MAPK3: variants seen among roughly 807,000 people sequenced by gnomAD.
MAPK3 encodes the protein MAPK 1.
MAPK3 carries 30 observed loss-of-function variants against 41.8 expected under a neutral mutation model. That is an observed-to-expected ratio of 0.72 (90% CI 0.54 to 0.97). MAPK3 has a LOEUF of 0.97. Ranked by LOEUF, MAPK3 falls within the 50% of genes least tolerant of loss-of-function variation. MAPK3 has a pLI of 0.00. For synonymous variants in MAPK3, 222 were observed against 213.4 expected (o/e 1.04, Z -0.35); for missense variants, 413 against 509.9 (o/e 0.81, Z 1.83).
intron 1 of MAPK3, chr16:30,122,693 C>G (rs2073028677): frequency 4.5e-6 from 1 of 223,240 alleles, no homozygotes; most frequent in Non-Finnish European, 8.8e-6. Flanking sequence ...CCTCCACTGC[C>G]TCTTCACTAA....
chr16:30,117,757 A>C lies in MAPK3; in HGVS notation c.688T>G (p.Ser230Ala). ...KGYTKSIDIW[S>A]VGCILAEMLS... ...ATCTCAGCCAGAATGCAGCCCACAG[A>C]CCAGATGTCGATGGACTTGGTATAG... Residue 230 changes from serine (S) to alanine (A), a missense_variant, in exon 5 of 9, where the codon TCT (serine) becomes GCT (alanine). Ser to Ala is a moderately conservative substitution (Grantham distance 99). This residue lies in a region of MAPK3 where 140 missense variants were observed against 206.0 expected (regional missense o/e 0.68). Transcript: ENST00000263025. The C allele has an allele frequency of 6.2e-7, 1 of 1,614,006 alleles. No homozygotes were observed. Among genetic ancestry groups the C allele is most frequent in the Non-Finnish European group, 8.5e-7 (1 of 1,179,944 alleles).
At chr16:30,116,209 A>G (rs992634643) in intron 8 of MAPK3, among the ~76,000 whole-genome samples, 5 of 148,286 alleles carry the variant, frequency 3.4e-5, no homozygotes, top group African/African-American at 1.3e-4. Flanking sequence ...TAATTTTTGT[A>G]TTTTTAGTAG....
At chr16:30,120,131 T>C (rs1196516944) in intron 2 of MAPK3, among the ~76,000 whole-genome samples, 2 of 152,182 alleles carry the variant, frequency 1.3e-5, no homozygotes, top group Admixed American at 1.3e-4. Flanking sequence ...ATTGAGCCAC[T>C]GCACTCTAGC....
chr16:30,122,796 C>T (rs1029608510), intron 1 of MAPK3: 7 of 381,814 alleles, frequency 1.8e-5, no homozygotes, highest in African/African-American at 1.5e-4. Context: ...GATGCCCCTC[C>T]CATCATTACA....
At chr16:30,118,780 G>C (rs1382694852) in intron 2 of MAPK3, among the ~76,000 whole-genome samples, 2 of 152,116 alleles carry the variant, frequency 1.3e-5, no homozygotes, top group African/African-American at 2.4e-5. Context: ...TGAGGCCTCA[G>C]TTTCCCTACC....
At chr16:30,122,934 G>T (rs903648704) in intron 1 of MAPK3, 106 bp downstream of exon 1, 136 of 1,062,164 alleles carry the variant, frequency 1.3e-4, no homozygotes, top group South Asian at 3.7e-4. Flanking sequence ...TGCCTCCTCG[G>T]GACGCTCCGC....
chr16:30,116,873 T>C, intron 7 of MAPK3, 21 bp downstream of exon 7: 1 of 1,613,558 alleles, frequency 6.2e-7, no homozygotes, highest in South Asian at 1.1e-5. Context: ...CCAGCCCCAC[T>C]GCTGCTGGGG....
rs145957708 is a variant in MAPK3, at chr16:30,118,558, C to A, written c.354-20G>T. On this transcript the variant is annotated intron_variant, in intron 2 of 8. Coordinates refer to ENST00000263025, the MANE Select transcript of MAPK3 (RefSeq NM_002746.3). ...ATGTAGCTGAGGATGGTTCCGCAGA[C>A]CCCCCCAGGCAGGGGGCAGTGGGAG... The A allele has an allele frequency of 1.9e-6, 3 of 1,592,224 alleles. No homozygotes were observed. The highest frequency in any genetic ancestry group is 3.4e-5 in the Admixed American group (2 of 58,390).
chr16:30,120,885 T>C (rs2073009230), intron 2 of MAPK3, among the ~76,000 whole-genome samples: 2 of 151,852 alleles, frequency 1.3e-5, no homozygotes, highest in East Asian at 1.9e-4. Context: ...GGTCTCACTA[T>C]GCTGCCCAGG....
At chr16:30,122,424 G>C (rs1271706634) in intron 1 of MAPK3, 7 of 288,810 alleles carry the variant, frequency 2.4e-5, no homozygotes, top group East Asian at 9.1e-5. Flanking sequence ...ACAGGGCAGG[G>C]GAGGGTCCCA....
At chr16:30,120,778 A>C (rs2073008528) in intron 2 of MAPK3, among the ~76,000 whole-genome samples, 1 of 149,580 alleles carries the variant, frequency 6.7e-6, no homozygotes. Context: ...CGAACTCCTA[A>C]GCTCAAGCCA....
intron 2 of MAPK3, among the ~76,000 whole-genome samples, chr16:30,119,156 T>TAAA (rs35666305): frequency 5.1e-5 from 7 of 136,198 alleles, no homozygotes; most frequent in Admixed American, 1.5e-4. Flanking sequence ...ATAAATAAAT[T>TAAA]AAAAAAAAAA....
chr16:30,122,394 G>A (rs1404643857), intron 1 of MAPK3: 1 of 323,036 alleles, frequency 3.1e-6, no homozygotes, highest in Non-Finnish European at 6.0e-6. Flanking sequence ...GGCAGCCAGG[G>A]GAGGGGCAGG....
At chr16:30,115,553 C>T (rs550832181) in intron 8 of MAPK3, 11 of 152,506 alleles carry the variant, frequency 7.2e-5, no homozygotes, top group African/African-American at 2.6e-4. Flanking sequence ...GCCCCACCTG[C>T]TTCTGCCACA....
At chr16:30,120,443 A>T (rs932191167) in intron 2 of MAPK3, among the ~76,000 whole-genome samples, 2 of 152,150 alleles carry the variant, frequency 1.3e-5, no homozygotes, top group African/African-American at 4.8e-5. Context: ...GACAGGTGTC[A>T]TAAGTTGCTA....
rs1431584150 is a variant in MAPK3, at chr16:30,116,995, G to A, written c.916C>T (p.Leu306=). Residue 306 remains leucine (L), a synonymous_variant, in exon 7 of 9, where the codon CTG becomes TTG. Transcript: ENST00000263025. ...FPKSDSKALD[L]LDRMLTFNPN... is the part of the protein sequence containing the mutation. Reference sequence around the variant, plus strand: ...TTAAAGGTTAACATCCGGTCCAGCAGGTCAAGGGCTATGGAAGGGCAGGAG... The same window carrying A: ...TTAAAGGTTAACATCCGGTCCAGCAAGTCAAGGGCTATGGAAGGGCAGGAG... The A allele has an allele frequency of 1.9e-6, 3 of 1,604,266 alleles. No homozygotes were observed. The highest frequency in any genetic ancestry group is 2.7e-5 in the African/African-American group (2 of 74,794).
At position 30,119,205 on chromosome 16, in the gene MAPK3, C is replaced by T. The variant is rs61764210; in HGVS notation, c.354-667G>A. ...AAGAGCAGCAACTCTGGAGTTAACC[C>T]ATGGATGTCTGAAATCTCCTCTCTA... On this transcript the variant is annotated intron_variant, in intron 2 of 8. Coordinates refer to ENST00000263025, the MANE Select transcript of MAPK3 (RefSeq NM_002746.3). 4.4e-3 allele frequency among the ~76,000 whole-genome samples: 675 copies of T among 151,872 alleles called. 3 individuals carry two copies. Among genetic ancestry groups the T allele is most frequent in the African/African-American group, 0.014 (562 of 41,434 alleles).
intron 2 of MAPK3, among the ~76,000 whole-genome samples, chr16:30,119,530 T>C (rs1175635576): frequency 1.3e-5 from 2 of 152,176 alleles, no homozygotes; most frequent in Non-Finnish European, 2.9e-5. Flanking sequence ...AAGTTGTGAG[T>C]GCTAGGCAAA....
At chr16:30,115,084 A>AG (rs2072942004) in intron 8 of MAPK3, among the ~76,000 whole-genome samples, 1 of 151,956 alleles carries the variant, frequency 6.6e-6, no homozygotes, top group Non-Finnish European at 1.5e-5. Flanking sequence ...AAAAAAAAAA[A>AG]AAAAAAATTA....
Sources: allele counts gnomAD v4.1 joint callset (sites outside exome capture counted in the v4.1 genomes callset), GRCh38; gene constraint gnomAD v4.1.1; regional missense constraint gnomAD v4.1.1; transcripts MANE v1.5; gene names NCBI Gene and HGNC (gene_info 2026-07-23, HGNC 2026-07-21).